The following WDR93 variants were observed in gnomAD, a reference collection of about 807,000 sequenced individuals.
WDR93 encodes WD repeat-containing protein 93.
Under a neutral mutation model 82.9 loss-of-function variants are expected in WDR93, and 73 were observed. The ratio of observed to expected loss-of-function variants is 0.88; its 90% CI spans 0.73 to 1.07. WDR93 has a LOEUF of 1.07. WDR93 is among the 50% of genes least tolerant of loss of function. The probability of loss-of-function intolerance (pLI) is 0.00; values close to 1 mark genes in which losing one functional copy is unlikely to be tolerated. For synonymous variants in WDR93, 283 were observed against 300.1 expected, an observed-to-expected ratio of 0.94 and a Z score of 0.59; for missense variants, 738 against 826.0, an observed-to-expected ratio of 0.89 and a Z score of 1.31.
chr15:89,737,450 G>A (rs980079025), intron 14 of WDR93, 123 bp from the exon 15 acceptor site: 2 of 1,316,490 alleles, frequency 1.5e-6, no homozygotes, highest in East Asian at 2.3e-5. Flanking sequence ...TCCAGAGGCT[G>A]GGGCCCAAGA....
Position 89,743,545 on chromosome 15 carries a change from T to C in WDR93, c.*154T>C. On this transcript the variant is annotated 3_prime_UTR_variant, in exon 17 of 17. Transcript: ENST00000268130. ...TCTGCAGAGCCAGCAAGGGGAAAAG[T>C]ATAATCTGGGGGACCTTCAACCACT... The C allele has an allele frequency of 1.5e-6, 1 of 673,740 alleles. No homozygotes were observed. Among genetic ancestry groups the C allele is most frequent in the Non-Finnish European group, 2.5e-6 (1 of 399,536 alleles). 41.7% of individuals were successfully genotyped at this position (673,740 alleles called of 1,614,324 possible). A position where few individuals can be genotyped will look rare whatever the true frequency, so the allele number is the denominator to read the frequency against.
chr15:89,743,314 C>T lies in WDR93; in HGVS notation c.1984C>T (p.Pro662Ser). 6.2e-7 allele frequency: 1 copy of T among 1,614,156 alleles called. No homozygotes were observed. The change falls in exon 17 of 17, where the codon CCA becomes TCA. Residue 662 changes from proline to serine, a missense_variant. By Grantham distance (74) the Pro-to-Ser change is moderately conservative. Transcript: ENST00000268130. Reference protein sequence around the residue: ...QKSYRKLEKNPEKEEEHWARL... With the variant: ...QKSYRKLEKNSEKEEEHWARL... The stretch of plus-strand genomic sequence containing the variant: ...CAGCTATCGGAAGCTGGAGAAGAAC[C>T]CAGAGAAGGAGGAGGAGCACTGGGC...
chr15:89,734,566 C>T (rs1303025903), intron 13 of WDR93, among the ~76,000 whole-genome samples: 2 of 152,230 alleles, frequency 1.3e-5, no homozygotes, highest in African/African-American at 4.8e-5. Context: ...TCCATGCCCA[C>T]ATTCAAGCAG....
chr15:89,711,257 C>T (rs1839892959), intron 4 of WDR93, among the ~76,000 whole-genome samples: 1 of 152,122 alleles, frequency 6.6e-6, no homozygotes, highest in Non-Finnish European at 1.5e-5. Context: ...TGCAATCAAT[C>T]CAGTTCACAA....
chr15:89,720,038 T>G (rs1476668576), intron 7 of WDR93, among the ~76,000 whole-genome samples: 1 of 151,874 alleles, frequency 6.6e-6, no homozygotes, highest in Non-Finnish European at 1.5e-5. Flanking sequence ...GACCTCGTGA[T>G]CCCACCTGCC....
rs1281173465 is a variant in WDR93, at chr15:89,701,730, C to T, written c.-17C>T. ...AGCTTTTCAGTTTCATAGAGGTTCC[C>T]AGTGCCACCTTCTGTGATGTCATTC... is the stretch of plus-strand genomic sequence containing the variant. On this transcript the variant is annotated 5_prime_UTR_variant, in exon 2 of 17. Transcript: ENST00000268130. The T allele has an allele frequency of 1.4e-5, 23 of 1,600,002 alleles. No homozygotes were observed. Among genetic ancestry groups the T allele is most frequent in the Non-Finnish European group, 1.9e-5 (22 of 1,170,342 alleles).
intron 13 of WDR93, 128 bp downstream of exon 13, chr15:89,733,347 G>T: frequency 1.2e-6 from 1 of 853,216 alleles, no homozygotes. Context: ...CTCCTGGTGA[G>T]CTTCTGAAGA....
At chr15:89,732,963 C>T (rs771502928) in intron 12 of WDR93, 43 bp from the exon 13 acceptor site, 27 of 1,597,478 alleles carry the variant, frequency 1.7e-5, no homozygotes, top group African/African-American at 1.1e-4. Context: ...GGCCTCCTCC[C>T]CTACCCCGTT....
intron 5 of WDR93, among the ~76,000 whole-genome samples, chr15:89,713,784 T>C (rs542124529): frequency 1.3e-5 from 2 of 152,218 alleles, no homozygotes; most frequent in Non-Finnish European, 1.5e-5. Flanking sequence ...AGGATATGCA[T>C]TGTATAATGC....
rs372638470 is a variant in WDR93, at chr15:89,705,362, C to A, written c.497-192C>A. 5.1e-4 allele frequency: 293 copies of A among 579,950 alleles called. 6 individuals are homozygous for A. The South Asian group carries it at 5.6e-3, about 11-fold the overall frequency. The allele number at this position is 579,950 out of a possible 1,614,324, so 35.9% of individuals were successfully genotyped here. ...GGTGGAGAGGACCCAGGAAGGAAAACAACCCGAACATTCAAGAGGGGTGGA... is the reference window on the plus strand; with the variant it reads ...GGTGGAGAGGACCCAGGAAGGAAAAAAACCCGAACATTCAAGAGGGGTGGA... On this transcript the variant is annotated intron_variant, in intron 3 of 16. Transcript: ENST00000268130.
intron 4 of WDR93, among the ~76,000 whole-genome samples, chr15:89,709,026 AGCCGT>A (rs1255095974): frequency 6.6e-6 from 1 of 152,196 alleles, no homozygotes; most frequent in Non-Finnish European, 1.5e-5. Flanking sequence ...ACACTATTGC[AGCCGT>A]CCGGTGCAGG....
intron 1 of WDR93, among the ~76,000 whole-genome samples, chr15:89,693,581 G>A (rs1381623899): frequency 6.6e-6 from 1 of 152,146 alleles, no homozygotes. Flanking sequence ...AAAGCAAGAG[G>A]CTGACATACC....
chr15:89,716,314 G>A (rs1966251633), intron 6 of WDR93, among the ~76,000 whole-genome samples: 1 of 152,116 alleles, frequency 6.6e-6, no homozygotes, highest in African/African-American at 2.4e-5. Context: ...GTCTTCAATG[G>A]ATAATAAATT....
chr15:89,694,836 C>T (rs1276041839), intron 1 of WDR93, among the ~76,000 whole-genome samples: 1 of 152,116 alleles, frequency 6.6e-6, no homozygotes, highest in African/African-American at 2.4e-5. Flanking sequence ...TATGATTTTA[C>T]TTTGAGTTAA....
At chr15:89,737,899 G>A in intron 15 of WDR93, 142 bp from the exon 16 acceptor site, 2 of 1,307,886 alleles carry the variant, frequency 1.5e-6, no homozygotes, top group Non-Finnish European at 2.1e-6. Context: ...ATGCCAGCAG[G>A]GTCTTCTCTC....
rs1199225519 is a variant in WDR93, at chr15:89,705,597, A to T, written c.540A>T (p.Leu180=). The part of the protein sequence containing the change: ...LFYFYKEGLY[L]VKAINEVDDT... ...ATTTTTATAAGGAAGGACTTTACCT[A>T]GTCAAAGCCATCAATGAAGTGGTGA... Residue 180 remains leucine (L), a synonymous_variant, in exon 4 of 17, where the codon CTA becomes CTT. Coordinates refer to ENST00000268130, the MANE Select transcript of WDR93 (RefSeq NM_020212.2). 1.9e-6 allele frequency: 3 copies of T among 1,568,538 alleles called. No homozygotes were observed. The highest frequency in any genetic ancestry group is 2.6e-6 in the Non-Finnish European group (3 of 1,138,314).
intron 12 of WDR93, among the ~76,000 whole-genome samples, chr15:89,731,947 C>T (rs1339666203): frequency 2.0e-5 from 3 of 152,144 alleles, no homozygotes; most frequent in South Asian, 2.1e-4. Context: ...GTCTTCTTCC[C>T]TGCTATTCTG....
At chr15:89,690,397 C>G (rs115097615), upstream of WDR93, among the ~76,000 whole-genome samples, 1,102 of 152,276 alleles carry the variant, frequency 7.2e-3, 14 homozygotes, top group African/African-American at 0.025. Context: ...GTTGGGCCCA[C>G]TCACGTTGAA....
At chr15:89,695,413 A>G (rs1283680644) in intron 1 of WDR93, among the ~76,000 whole-genome samples, 1 of 152,196 alleles carries the variant, frequency 6.6e-6, no homozygotes, top group Non-Finnish European at 1.5e-5. Flanking sequence ...AGCTCACTGC[A>G]ACCTTGAACT....
Sources: gnomAD v4.1 joint callset for allele counts (sites outside exome capture counted in the v4.1 genomes callset) on GRCh38, gnomAD v4.1.1 for gene constraint, MANE v1.5 for transcripts, NCBI Gene and HGNC (gene_info 2026-07-23, HGNC 2026-07-21) for gene names.